ACVR1B: variants seen among roughly 807,000 people sequenced by gnomAD.
The protein encoded by ACVR1B is activin A receptor type 1B.
In ACVR1B, 15 loss-of-function variants were observed where a neutral mutation model predicts 55.6. That is an observed-to-expected ratio of 0.27 (90% confidence interval 0.18 to 0.42). The LOEUF (loss-of-function observed/expected upper bound fraction) is 0.42. Among genes scored for constraint, ACVR1B ranks in the 10% least tolerant of loss-of-function variants. The probability of loss-of-function intolerance (pLI) is 1.00; values close to 1 mark genes in which losing one functional copy is unlikely to be tolerated. For missense variants in ACVR1B, 359 were observed against 670.1 expected (o/e 0.54, Z 5.13); for synonymous variants, 247 against 254.6 (o/e 0.97, Z 0.28).
At chr12:51,991,325 C>A (rs116559735) in intron 7 of ACVR1B, among the ~76,000 whole-genome samples, 2,741 of 152,216 alleles carry the variant, frequency 0.018, 28 homozygotes, top group Non-Finnish European at 0.022. Context: ...TTTGATGTGA[C>A]CCCCAGTAGT....
chr12:51,995,559 T>C lies in ACVR1B; in HGVS notation c.*1449T>C, dbSNP rs1043223225. 1 of 152,610 alleles carries C rather than the reference T, an allele frequency of 6.6e-6. No individual in the cohort carries two copies. The highest frequency in any genetic ancestry group is 1.5e-5 in the Non-Finnish European group (1 of 68,040). The allele number at this position is 152,610 out of a possible 1,614,324, so 9.5% of individuals were successfully genotyped here. On this transcript the variant is annotated 3_prime_UTR_variant, in exon 9 of 9. Coordinates refer to ENST00000257963, the MANE Select transcript of ACVR1B (RefSeq NM_004302.5). ...ATAACTTTTAACTGGAGTGGTTTGA[T>C]TTCTTTTTTTAATTTTATTGGGAGG...
Position 51,994,345 on chromosome 12 carries a change from G to A in ACVR1B, c.*235G>A. 1 of 493,886 alleles carries A rather than the reference G, an allele frequency of 2.0e-6. No homozygotes were observed. The highest frequency in any genetic ancestry group is 3.7e-5 in the Admixed American group (1 of 26,922). The allele number at this position is 493,886 out of a possible 1,614,324, so 30.6% of individuals were successfully genotyped here. ...TGGAGACTCTGAGAGCGAATTGTGT[G>A]GAGAACTCAGTGCCACACCTCGAAC... On this transcript the variant is annotated 3_prime_UTR_variant, in exon 9 of 9. Transcript: ENST00000257963. This position sits in a 1 kb window ranked among gnomAD's most constrained non-coding sequence, Gnocchi z 4.2.
chr12:51,959,895 G>A (rs1490173891), intron 1 of ACVR1B, among the ~76,000 whole-genome samples: 10 of 151,368 alleles, frequency 6.6e-5, no homozygotes, highest in Non-Finnish European at 1.0e-4. Context: ...AGGAATCTGG[G>A]AATTGAAGTA....
At chr12:51,991,731 G>C in intron 7 of ACVR1B, 132 bp from the exon 8 acceptor site, 1 of 1,015,732 alleles carries the variant, frequency 9.8e-7, no homozygotes, top group East Asian at 2.5e-5. Context: ...TCCATACTTA[G>C]AATTAACTAA....
intron 1 of ACVR1B, among the ~76,000 whole-genome samples, chr12:51,955,724 G>A (rs537299669): frequency 5.9e-5 from 9 of 152,250 alleles, no homozygotes; most frequent in African/African-American, 2.2e-4. Context: ...GTGTAAGAGG[G>A]TCTTAATCTC....
chr12:51,965,977 C>CCA (rs1941631814), intron 1 of ACVR1B, among the ~76,000 whole-genome samples: 2 of 151,726 alleles, frequency 1.3e-5, no homozygotes, highest in African/African-American at 4.8e-5. Context: ...ATCTGTGTAG[C>CCA]TAATGGTGTT....
At chr12:51,963,429 A>G (rs1187793159) in intron 1 of ACVR1B, among the ~76,000 whole-genome samples, 1 of 152,192 alleles carries the variant, frequency 6.6e-6, no homozygotes, top group African/African-American at 2.4e-5. Flanking sequence ...TATTTTTAGT[A>G]GAGACGGGGT....
intron 3 of ACVR1B, 104 bp downstream of exon 3, chr12:51,976,679 C>A (rs1219407834): frequency 1.4e-6 from 2 of 1,435,188 alleles, no homozygotes; most frequent in Non-Finnish European, 1.9e-6. Flanking sequence ...TTTGTTTCTA[C>A]CAGCATTGAG....
chr12:51,976,598 A>C, intron 3 of ACVR1B, 23 bp downstream of exon 3: 1 of 1,610,156 alleles, frequency 6.2e-7, no homozygotes, highest in African/African-American at 1.3e-5. Flanking sequence ...TCAGGGCATC[A>C]TGTCTGTGGT....
intron 5 of ACVR1B, among the ~76,000 whole-genome samples, chr12:51,984,775 A>G (rs968297321): frequency 1.1e-4 from 17 of 152,344 alleles, no homozygotes; most frequent in African/African-American, 2.6e-4. Context: ...TCCTATTCCT[A>G]TAGCCTGTGC....
chr12:51,984,246 C>T, intron 5 of ACVR1B, 80 bp downstream of exon 5: 3 of 1,511,518 alleles, frequency 2.0e-6, no homozygotes, highest in African/African-American at 2.8e-5. Flanking sequence ...CCTAGAATTC[C>T]TTTTTACTGA....
chr12:51,993,707 C>T (rs1329401220), intron 8 of ACVR1B, among the ~76,000 whole-genome samples: 1 of 122,410 alleles, frequency 8.2e-6, no homozygotes, highest in African/African-American at 3.1e-5. Context: ...GCGGAGGTTG[C>T]GGTGAGCCAA....
At chr12:51,970,508 C>T (rs1389580860) in intron 1 of ACVR1B, among the ~76,000 whole-genome samples, 2 of 152,158 alleles carry the variant, frequency 1.3e-5, no homozygotes, top group Non-Finnish European at 2.9e-5. Context: ...TTATGGGAAA[C>T]AAACTGAAAA....
chr12:51,956,806 G>A lies in ACVR1B; in HGVS notation c.91+4972G>A, dbSNP rs966596429. Among the ~76,000 whole-genome samples the A allele has an allele frequency of 5.3e-5, 8 of 151,852 alleles. No homozygotes were observed. The East Asian group carries it at 1.6e-3, about 30-fold the overall frequency. On this transcript the variant is annotated intron_variant, in intron 1 of 8. Coordinates refer to ENST00000257963, the MANE Select transcript of ACVR1B (RefSeq NM_004302.5). The stretch of plus-strand genomic sequence containing the variant: ...GACAGGGTCTTGCTCTGTTGCCCAG[G>A]TTAGAGTCCAGTGACATGATCTCAC...
At chr12:51,988,600 A>G (rs1001771235) in intron 7 of ACVR1B, among the ~76,000 whole-genome samples, 21 of 152,220 alleles carry the variant, frequency 1.4e-4, no homozygotes, top group Non-Finnish European at 2.9e-5. Flanking sequence ...ACCACTTGCT[A>G]TGTATAAGCT....
chr12:51,971,518 A>G (rs925159244), intron 1 of ACVR1B, among the ~76,000 whole-genome samples: 1 of 152,202 alleles, frequency 6.6e-6, no homozygotes, highest in Non-Finnish European at 1.5e-5. Context: ...CACGGTGTGT[A>G]AAATTTTTAA....
At chr12:51,969,533 C>T (rs1382172664) in intron 1 of ACVR1B, among the ~76,000 whole-genome samples, 2 of 152,194 alleles carry the variant, frequency 1.3e-5, no homozygotes, top group African/African-American at 2.4e-5. Flanking sequence ...AAACATTATA[C>T]TACCCACTCG....
intron 1 of ACVR1B, among the ~76,000 whole-genome samples, chr12:51,961,720 C>T (rs1941531274): frequency 6.6e-6 from 1 of 152,226 alleles, no homozygotes; most frequent in Admixed American, 6.5e-5. Flanking sequence ...GGATAAATAT[C>T]CTTCCCTGCT....
At position 51,975,277 on chromosome 12, in the gene ACVR1B, C is replaced by G; in HGVS notation, c.104C>G (p.Ala35Gly). The change falls in exon 2 of 9, where the codon GCG becomes GGG. Residue 35 changes from alanine to glycine, a missense_variant. By Grantham distance (60) the Ala-to-Gly change is moderately conservative. This residue lies in a region of ACVR1B where 6 missense variants were observed against 22.7 expected (regional missense o/e 0.26). Transcript: ENST00000257963. ...CAATTTCCTGCAGCTCTGCTGTGTGCGTGCACCAGCTGCCTCCAGGCCAAC... is the reference window on the plus strand; with the variant it reads ...CAATTTCCTGCAGCTCTGCTGTGTGGGTGCACCAGCTGCCTCCAGGCCAAC... ...GPRGVQALLC[A>G]CTSCLQANYT... The G allele has an allele frequency of 6.2e-7, 1 of 1,612,532 alleles. No individual in the cohort carries two copies. Among genetic ancestry groups the G allele is most frequent in the Non-Finnish European group, 8.5e-7 (1 of 1,179,922 alleles).
Sources: allele counts gnomAD v4.1 joint callset (sites outside exome capture counted in the v4.1 genomes callset), GRCh38; gene constraint gnomAD v4.1.1; regional missense constraint gnomAD v4.1.1; non-coding constraint Gnocchi (gnomAD v3.1); transcripts MANE v1.5; gene names NCBI Gene and HGNC (gene_info 2026-07-23, HGNC 2026-07-21).